Variants in MARCHF4 observed in about 807,000 individuals in gnomAD.
The protein encoded by MARCHF4 is E3 ubiquitin-protein ligase MARCHF4.
A neutral mutation model predicts 43.9 loss-of-function variants in MARCHF4; 14 were observed. That is an observed-to-expected ratio of 0.32 (90% CI 0.21 to 0.50). The LOEUF (loss-of-function observed/expected upper bound fraction) is 0.50, where lower values mean the gene tolerates loss of function less well. Ranked by LOEUF, MARCHF4 falls within the 20% of genes least tolerant of loss-of-function variation. The probability of loss-of-function intolerance (pLI) is 0.98; values close to 1 mark genes in which losing one functional copy is unlikely to be tolerated. For missense variants in MARCHF4, 468 were observed against 536.7 expected (o/e 0.87, Z 1.27); for synonymous variants, 226 against 213.3 (o/e 1.06, Z -0.52).
chr2:216,298,235 C>A (rs550946989), intron 1 of MARCHF4, among the ~76,000 whole-genome samples: 6 of 142,936 alleles, frequency 4.2e-5, no homozygotes, highest in Non-Finnish European at 7.7e-5. Context: ...TTTTTCCAGA[C>A]TACTTTTACC....
intron 1 of MARCHF4, among the ~76,000 whole-genome samples, chr2:216,298,256 G>GTTTTTTTTTTTTTTTTTTTTT (rs559410456): frequency 1.5e-5 from 1 of 66,764 alleles, no homozygotes. Context: ...AGTCTTTTAG[G>GTTTTTTTTTTTTTTTTTTTTT]TTTTTTTTTT....
At chr2:216,342,508 G>A (rs1342324521) in intron 1 of MARCHF4, among the ~76,000 whole-genome samples, 4 of 152,136 alleles carry the variant, frequency 2.6e-5, no homozygotes, top group Non-Finnish European at 4.4e-5. Context: ...GTCTGCAGAG[G>A]GACTGGCAAG....
intron 1 of MARCHF4, among the ~76,000 whole-genome samples, chr2:216,353,671 C>T (rs967246737): frequency 1.3e-5 from 2 of 152,220 alleles, no homozygotes; most frequent in African/African-American, 4.8e-5. Flanking sequence ...CCTCAGCCTC[C>T]TGAGTAGCTG....
At chr2:216,360,081 T>C (rs748096458) in intron 1 of MARCHF4, among the ~76,000 whole-genome samples, 11 of 152,036 alleles carry the variant, frequency 7.2e-5, no homozygotes, top group Non-Finnish European at 1.5e-4. Context: ...AAGTCAGAGA[T>C]TGAAAATGCA....
intron 1 of MARCHF4, among the ~76,000 whole-genome samples, chr2:216,356,152 G>A (rs984324048): frequency 6.6e-6 from 1 of 152,202 alleles, no homozygotes; most frequent in Non-Finnish European, 1.5e-5. Flanking sequence ...TTTTGGCGGT[G>A]TCAGGTTAAG....
intron 1 of MARCHF4, among the ~76,000 whole-genome samples, chr2:216,340,535 C>T (rs1222111541): frequency 6.6e-6 from 1 of 152,204 alleles, no homozygotes; most frequent in African/African-American, 2.4e-5. Flanking sequence ...ATTCCACCAG[C>T]ACCTACTCTT....
chr2:216,369,613 C>A, intron 1 of MARCHF4, 132 bp downstream of exon 1: 1 of 684,262 alleles, frequency 1.5e-6, no homozygotes, highest in Non-Finnish European at 2.4e-6. Flanking sequence ...CAAGAAACAT[C>A]AATGAGGGCT....
rs187050856 is a variant in MARCHF4, at chr2:216,297,120, G to C, written c.517-13391C>G. Among the ~76,000 whole-genome samples the C allele has an allele frequency of 2.0e-5, 3 of 152,238 alleles. No individual in the cohort carries two copies. In the East Asian group the frequency reaches 5.8e-4, roughly 29 times the overall value. ...TTACTATGGCGTGTGAATAGACTTC[G>C]GTCTGTTGACTCCAAGCTTCTGCTA... On this transcript the variant is annotated intron_variant, in intron 1 of 3. Coordinates refer to ENST00000273067, the MANE Select transcript of MARCHF4 (RefSeq NM_020814.3).
intron 1 of MARCHF4, among the ~76,000 whole-genome samples, chr2:216,310,263 T>C (rs1179568120): frequency 1.3e-5 from 2 of 152,072 alleles, no homozygotes; most frequent in Non-Finnish European, 2.9e-5. Context: ...TAGTTCTTTC[T>C]TTTCTTTTCT....
intron 1 of MARCHF4, among the ~76,000 whole-genome samples, chr2:216,288,186 A>C (rs559389129): frequency 4.6e-5 from 7 of 152,286 alleles, no homozygotes; most frequent in Non-Finnish European, 1.0e-4. Context: ...GCTGATCTCA[A>C]ACTCCTAGGC....
intron 1 of MARCHF4, among the ~76,000 whole-genome samples, chr2:216,288,043 C>A (rs941548107): frequency 6.6e-6 from 1 of 152,136 alleles, no homozygotes; most frequent in Admixed American, 6.5e-5. Context: ...CTCACTGCAG[C>A]CTTGAGCTCC....
At chr2:216,283,350 C>G (rs982535739) in intron 2 of MARCHF4, among the ~76,000 whole-genome samples, 2 of 152,158 alleles carry the variant, frequency 1.3e-5, no homozygotes, top group African/African-American at 4.8e-5. Flanking sequence ...ATTTCCCTCT[C>G]TTTGCCCCAT....
Position 216,283,718 on chromosome 2 carries a change from C to T in MARCHF4, c.528G>A (p.Leu176=), listed in dbSNP as rs775564126. 2 of 1,603,552 alleles carry T rather than the reference C, an allele frequency of 1.2e-6. No individual in the cohort carries two copies. The highest frequency in any genetic ancestry group is 1.7e-5 in the Admixed American group (1 of 59,866). The part of the protein sequence containing the change: ...CFQGPEQGEL[L]SPCRCDGSVK... ...CCGAGCCATCACAGCGGCATGGGCT[C>T]AGCAGCTCCCCCTGCAGGGAGAGAG... Residue 176 remains leucine, a synonymous_variant, in exon 2 of 4, where the codon CTG becomes CTA. Coordinates refer to ENST00000273067, the MANE Select transcript of MARCHF4 (RefSeq NM_020814.3).
At chr2:216,320,646 TC>T (rs1691869439) in intron 1 of MARCHF4, among the ~76,000 whole-genome samples, 1 of 119,628 alleles carries the variant, frequency 8.4e-6, no homozygotes, top group African/African-American at 3.9e-5. Flanking sequence ...TTTCTTTCTT[TC>T]TTTCTTTCTT....
intron 1 of MARCHF4, among the ~76,000 whole-genome samples, chr2:216,342,287 T>C (rs1450024860): frequency 1.3e-5 from 2 of 152,062 alleles, no homozygotes. Flanking sequence ...CTTGTTATTC[T>C]CTCCACTTGA....
Position 216,371,365 on chromosome 2 carries a change from G to A in MARCHF4, c.-1105C>T, listed in dbSNP as rs759974540. The A allele has an allele frequency of 2.0e-5, 3 of 152,816 alleles. No homozygotes were observed. The highest frequency in any genetic ancestry group is 4.8e-5 in the African/African-American group (2 of 41,472). The allele number at this position is 152,816 out of a possible 1,614,324, so 9.5% of individuals were successfully genotyped here. ...AGGTCCCTTCGGTCGAGGGGCAAGA[G>A]CCGAGAGAAGGGCAGGTCCGGGCGG... On this transcript the variant is annotated 5_prime_UTR_variant, in exon 1 of 4. Coordinates refer to ENST00000273067, the MANE Select transcript of MARCHF4 (RefSeq NM_020814.3).
chr2:216,286,722 C>T (rs941604067), intron 1 of MARCHF4, among the ~76,000 whole-genome samples: 12 of 152,234 alleles, frequency 7.9e-5, no homozygotes, highest in Middle Eastern at 3.4e-3. Flanking sequence ...ATATACATTT[C>T]GGGGAAAGCC....
At chr2:216,275,403 C>T (rs558832715) in intron 3 of MARCHF4, among the ~76,000 whole-genome samples, 1 of 152,250 alleles carries the variant, frequency 6.6e-6, no homozygotes, top group South Asian at 2.1e-4. Context: ...TGTGAGTGGG[C>T]CCAGGTGCAC....
intron 1 of MARCHF4, among the ~76,000 whole-genome samples, chr2:216,300,349 T>TATACATATATATATAC (rs1559093181): frequency 0.019 from 2,266 of 118,798 alleles, 95 homozygotes; most frequent in African/African-American, 0.07. Flanking sequence ...TATATATATA[T>TATACATATATATATAC]GTATATATAT....
Sources: gnomAD v4.1 joint callset for allele counts (sites outside exome capture counted in the v4.1 genomes callset) on GRCh38, gnomAD v4.1.1 for gene constraint, MANE v1.5 for transcripts, NCBI Gene and HGNC (gene_info 2026-07-23, HGNC 2026-07-21) for gene names.